The following SUGCT variants were observed in gnomAD, a reference collection of about 807,000 sequenced individuals.
The protein encoded by SUGCT is succinyl-CoA:glutarate-CoA transferase.
SUGCT carries 41 observed loss-of-function variants against 55.0 expected under a neutral mutation model. The observed-to-expected ratio is 0.74, with a 90% CI of 0.58 to 0.97. The LOEUF (loss-of-function observed/expected upper bound fraction) is 0.97, where lower values mean the gene tolerates loss of function less well. Among genes scored for constraint, SUGCT ranks in the 50% least tolerant of loss-of-function variants. The probability of loss-of-function intolerance (pLI) is 0.00; values close to 1 mark genes in which losing one functional copy is unlikely to be tolerated. For synonymous variants in SUGCT, 187 were observed against 200.4 expected (o/e 0.93, Z 0.56); for missense variants, 568 against 547.8 (o/e 1.04, Z -0.37).
chr7:40,472,821 C>T (rs965803885), intron 11 of SUGCT, among the ~76,000 whole-genome samples: 1 of 152,082 alleles, frequency 6.6e-6, no homozygotes, highest in African/African-American at 2.4e-5. Context: ...GAAATGCCTT[C>T]TGTTATTAAT....
intron 13 of SUGCT, among the ~76,000 whole-genome samples, chr7:40,780,760 TTTC>T (rs1186244254): frequency 1.7e-4 from 25 of 148,616 alleles, no homozygotes; most frequent in African/African-American, 5.1e-4. Context: ...TTTCTTTTTC[TTTC>T]TTCTTCTTCT....
intron 9 of SUGCT, among the ~76,000 whole-genome samples, chr7:40,317,154 A>G (rs1795488177): frequency 6.6e-6 from 1 of 151,898 alleles, no homozygotes; most frequent in Non-Finnish European, 1.5e-5. Flanking sequence ...CCCACCTAAA[A>G]GAGGCACTGA....
At chr7:40,207,208 A>G (rs1787024112) in intron 6 of SUGCT, among the ~76,000 whole-genome samples, 1 of 152,028 alleles carries the variant, frequency 6.6e-6, no homozygotes, top group African/African-American at 2.4e-5. Context: ...AAAAAGAAAA[A>G]AGAAAGACTA....
intron 12 of SUGCT, among the ~76,000 whole-genome samples, chr7:40,556,258 A>G (rs1187201730): frequency 1.3e-5 from 2 of 152,196 alleles, no homozygotes; most frequent in Non-Finnish European, 2.9e-5. Context: ...TCACTCAGAC[A>G]TATGGAAAGC....
chr7:40,262,478 C>G (rs938798191), intron 7 of SUGCT, among the ~76,000 whole-genome samples: 2 of 135,838 alleles, frequency 1.5e-5, no homozygotes, highest in East Asian at 4.4e-4. Flanking sequence ...GTGAAACCCC[C>G]GTCTCTACCG....
chr7:40,183,500 C>T (rs1207237110), intron 3 of SUGCT, among the ~76,000 whole-genome samples: 1 of 152,020 alleles, frequency 6.6e-6, no homozygotes, highest in African/African-American at 2.4e-5. Context: ...CCACCATGCC[C>T]AGCTATAATA....
chr7:40,734,163 T>C (rs1247991029), intron 12 of SUGCT, among the ~76,000 whole-genome samples: 2 of 152,222 alleles, frequency 1.3e-5, no homozygotes, highest in Non-Finnish European at 2.9e-5. Flanking sequence ...CATCTTACTA[T>C]ACCTAATTTT....
the SUGCT span, among the ~76,000 whole-genome samples, chr7:40,899,147 C>T: frequency 1.3e-5 from 2 of 152,174 alleles, no homozygotes; most frequent in Non-Finnish European, 1.5e-5. Flanking sequence ...TGCTGCTCTT[C>T]CTCTCGCTTT....
intron 9 of SUGCT, among the ~76,000 whole-genome samples, chr7:40,395,457 C>T (rs1387670706): frequency 7.1e-6 from 1 of 141,486 alleles, no homozygotes; most frequent in African/African-American, 2.7e-5. Context: ...CCATTGCACT[C>T]CAGCTTGGGC....
intron 13 of SUGCT, among the ~76,000 whole-genome samples, chr7:40,844,930 C>T (rs1012775771): frequency 1.3e-5 from 2 of 152,198 alleles, no homozygotes; most frequent in Admixed American, 1.3e-4. Flanking sequence ...GATGACTTCA[C>T]TTAGAAATGT....
chr7:40,447,600 A>G (rs544840956), intron 9 of SUGCT, among the ~76,000 whole-genome samples: 70 of 152,250 alleles, frequency 4.6e-4, no homozygotes, highest in African/African-American at 1.6e-3. Flanking sequence ...CATTCAAGAT[A>G]CCTTGAAAGG....
chr7:40,683,138 T>C (rs1784326184), intron 12 of SUGCT, among the ~76,000 whole-genome samples: 1 of 152,220 alleles, frequency 6.6e-6, no homozygotes, highest in Non-Finnish European at 1.5e-5. Flanking sequence ...CTTTTTTCTG[T>C]AAATAGAAAT....
chr7:40,222,662 C>T (rs552093593), intron 6 of SUGCT, among the ~76,000 whole-genome samples: 6 of 152,046 alleles, frequency 3.9e-5, no homozygotes, highest in African/African-American at 4.8e-5. Flanking sequence ...GCTAACATGG[C>T]GAAACTCTAT....
chr7:40,875,539 G>A, the SUGCT span, among the ~76,000 whole-genome samples: 1 of 152,064 alleles, frequency 6.6e-6, no homozygotes, highest in African/African-American at 2.4e-5. Flanking sequence ...TCCTTCTTAA[G>A]TACCACTTTA....
the SUGCT span, among the ~76,000 whole-genome samples, chr7:40,884,752 T>C: frequency 3.9e-5 from 6 of 151,996 alleles, no homozygotes; most frequent in Admixed American, 3.9e-4. Flanking sequence ...TTCTAAAGAG[T>C]GCAATGGAGT....
At chr7:40,474,499 G>T (rs1055995615) in intron 11 of SUGCT, among the ~76,000 whole-genome samples, 4 of 152,136 alleles carry the variant, frequency 2.6e-5, no homozygotes, top group East Asian at 1.9e-4. Context: ...TCCCCTGGAG[G>T]TGCCATCCAG....
chr7:40,155,148 A>C (rs1341519636), intron 1 of SUGCT, among the ~76,000 whole-genome samples: 1 of 152,084 alleles, frequency 6.6e-6, no homozygotes, highest in African/African-American at 2.4e-5. Context: ...AGCTGGGTGT[A>C]GTGGCGCATG....
chr7:40,577,298 A>C (rs1436642562), intron 12 of SUGCT, among the ~76,000 whole-genome samples: 2 of 152,174 alleles, frequency 1.3e-5, no homozygotes, highest in Admixed American at 6.6e-5. Context: ...TGAGTGGAGG[A>C]GAGAGGGAAG....
the SUGCT span, chr7:40,966,100 A>G: frequency 5.3e-5 from 8 of 152,240 alleles, no homozygotes; most frequent in Middle Eastern, 3.2e-3. Flanking sequence ...AGTGGGCACT[A>G]TTAGTAAGAC....
Sources: gnomAD v4.1 joint callset for allele counts (sites outside exome capture counted in the v4.1 genomes callset) on GRCh38, gnomAD v4.1.1 for gene constraint, MANE v1.5 for transcripts, NCBI Gene and HGNC (gene_info 2026-07-23, HGNC 2026-07-21) for gene names.